TTC28: variants seen among roughly 807,000 people sequenced by gnomAD.
The protein encoded by TTC28 is tetratricopeptide repeat protein 28.
In TTC28, 61 loss-of-function variants were observed where a neutral mutation model predicts 198.0. The ratio of observed to expected loss-of-function variants is 0.31; its 90% CI spans 0.25 to 0.38. TTC28 has a LOEUF of 0.38. Among genes scored for constraint, TTC28 ranks in the 10% least tolerant of loss-of-function variants. The probability of loss-of-function intolerance (pLI) is 1.00; values close to 1 mark genes in which losing one functional copy is unlikely to be tolerated. For missense variants in TTC28, 2,678 were observed against 3,164.0 expected, an observed-to-expected ratio of 0.85 and a Z score of 3.69; for synonymous variants, 1,171 against 1,297.8, an observed-to-expected ratio of 0.90 and a Z score of 2.10.
At chr22:28,517,378 T>A (rs866479593) in intron 2 of TTC28, among the ~76,000 whole-genome samples, 25 of 152,262 alleles carry the variant, frequency 1.6e-4, no homozygotes, top group South Asian at 1.5e-3. Context: ...CTGAAGAGTA[T>A]CTTCCAGTCA....
chr22:28,126,483 C>A (rs1348963781), intron 6 of TTC28, among the ~76,000 whole-genome samples: 6 of 152,306 alleles, frequency 3.9e-5, no homozygotes, highest in South Asian at 2.1e-4. Flanking sequence ...AAAGACTGTA[C>A]TTCCACAGAA....
At chr22:28,421,825 C>T (rs1309336054) in intron 2 of TTC28, among the ~76,000 whole-genome samples, 2 of 151,422 alleles carry the variant, frequency 1.3e-5, no homozygotes, top group Non-Finnish European at 2.9e-5. Context: ...GTCCCAGATA[C>T]TTGGGAGGCT....
intron 2 of TTC28, among the ~76,000 whole-genome samples, chr22:28,341,681 T>A (rs2045831467): frequency 6.6e-6 from 1 of 151,864 alleles, no homozygotes; most frequent in Non-Finnish European, 1.5e-5. Context: ...CCCCAGCTAC[T>A]CGGGAGGTTG....
chr22:28,094,004 C>T (rs1941895268), intron 12 of TTC28, 76 bp downstream of exon 12: 2 of 1,406,272 alleles, frequency 1.4e-6, no homozygotes, highest in African/African-American at 2.9e-5. Context: ...CTTCTGTTAG[C>T]TCAAATAGGA....
intron 2 of TTC28, among the ~76,000 whole-genome samples, chr22:28,332,737 A>AC (rs1461136621): frequency 3.3e-5 from 5 of 152,128 alleles, no homozygotes; most frequent in Non-Finnish European, 5.9e-5. Flanking sequence ...TAACAATTAA[A>AC]TGCAACCACT....
intron 1 of TTC28, among the ~76,000 whole-genome samples, chr22:28,647,971 T>C (rs1373407146): frequency 1.3e-5 from 2 of 151,714 alleles, no homozygotes; most frequent in Non-Finnish European, 2.9e-5. Flanking sequence ...ACGCCTGTAA[T>C]CCCAGCACTT....
chr22:27,993,528 A>C lies in TTC28; in HGVS notation c.5245-10T>G, dbSNP rs1937490425. 1 of 1,534,666 alleles carries C rather than the reference A, an allele frequency of 6.5e-7. No homozygotes were observed. The highest frequency in any genetic ancestry group is 2.5e-5 in the East Asian group (1 of 40,562). ...GCAGGGATTTCTCCACCTGAGGGGG[A>C]ATTGGGGGTGAGTCAGAGACCCAGG... On this transcript the variant is annotated splice_polypyrimidine_tract_variant and intron_variant, in intron 17 of 22. Transcript: ENST00000397906.
chr22:28,588,134 T>C (rs1489371014), intron 2 of TTC28, among the ~76,000 whole-genome samples: 1 of 124,512 alleles, frequency 8.0e-6, no homozygotes, highest in Middle Eastern at 4.5e-3. Context: ...AGAGGGAGAC[T>C]CCGTCTCAAA....
Position 28,101,200 on chromosome 22 carries a change from T to C in TTC28, c.3388A>G (p.Ser1130Gly), listed in dbSNP as rs1279225763. 12 of 1,551,378 alleles carry C rather than the reference T, an allele frequency of 7.7e-6. No individual in the cohort carries two copies. Among genetic ancestry groups the C allele is most frequent in the African/African-American group, 1.4e-5 (1 of 73,050 alleles). ...RHGLGLSLWA[S>G]GNLEEAQHQL... ...TGTTGGGCCTCCTCCAAGTTTCCAC[T>C]AGCCCAAAGGGAGAGGCCAAGGCCA... Residue 1130 changes from serine (S) to glycine (G), a missense_variant, in exon 9 of 23, where the codon AGT becomes GGT. Ser to Gly is a moderately conservative substitution (Grantham distance 56). This residue lies in a region of TTC28 where 727 missense variants were observed against 861.9 expected (regional missense o/e 0.84). Transcript: ENST00000397906.
Position 28,168,455 on chromosome 22 carries a change from T to G in TTC28, c.934-4856A>C, listed in dbSNP as rs1601419193. Among the ~76,000 whole-genome samples, 3 of 152,304 alleles carry G rather than the reference T, an allele frequency of 2.0e-5. No homozygotes were observed. The Middle Eastern group carries it at 0.01, about 518-fold the overall frequency. On this transcript the variant is annotated intron_variant, in intron 5 of 22. Coordinates refer to ENST00000397906, the MANE Select transcript of TTC28 (RefSeq NM_001145418.2). ...GGCTACAGTAACCAAAACAGCATGGTACTGGTACCAAAACAGAGATATAGA... is the reference window on the plus strand; with the variant it reads ...GGCTACAGTAACCAAAACAGCATGGGACTGGTACCAAAACAGAGATATAGA...
At chr22:28,391,709 T>C (rs1307330147) in intron 2 of TTC28, among the ~76,000 whole-genome samples, 1 of 152,228 alleles carries the variant, frequency 6.6e-6, no homozygotes, top group Non-Finnish European at 1.5e-5. Context: ...CTTTAAGCAC[T>C]TCTCTGTATT....
chr22:28,403,110 A>G (rs1355461413), intron 2 of TTC28, among the ~76,000 whole-genome samples: 2 of 152,178 alleles, frequency 1.3e-5, no homozygotes, highest in African/African-American at 2.4e-5. Context: ...TTAATCTGTT[A>G]ATTAAGCAAA....
chr22:28,140,733 A>C (rs1319469723), intron 6 of TTC28, among the ~76,000 whole-genome samples: 6 of 152,252 alleles, frequency 3.9e-5, no homozygotes, highest in Non-Finnish European at 8.8e-5. Context: ...GTGTAACTAA[A>C]TATAATTAAT....
At position 27,989,971 on chromosome 22, in the gene TTC28, T is replaced by C. The variant is rs776896831; in HGVS notation, c.5614A>G (p.Lys1872Glu). ...GGAGCTGATGCCAAGTCCTGCTCCTTCTCGCCAGCCTGGAGCTGAACCAGC... is the reference window on the plus strand; with the variant it reads ...GGAGCTGATGCCAAGTCCTGCTCCTCCTCGCCAGCCTGGAGCTGAACCAGC... ...QVLVQLQAGE[K>E]EQDLASAPIQ... Residue 1872 changes from lysine (K) to glutamate (E), a missense_variant, in exon 21 of 23, where the codon AAG becomes GAG. Physicochemically the swap from Lys to Glu is moderately conservative, Grantham distance 56. Transcript: ENST00000397906. 8 of 1,550,970 alleles carry C rather than the reference T, an allele frequency of 5.2e-6. No individual in the cohort carries two copies. The highest frequency in any genetic ancestry group is 7.0e-6 in the Non-Finnish European group (8 of 1,146,846).
At chr22:28,286,798 GCA>G (rs150553831) in intron 5 of TTC28, among the ~76,000 whole-genome samples, 1 of 150,978 alleles carries the variant, frequency 6.6e-6, no homozygotes, top group Non-Finnish European at 1.5e-5. Context: ...TAGTGAGGAT[GCA>G]CACACACACA....
chr22:28,593,973 T>C (rs2146099598), intron 2 of TTC28, among the ~76,000 whole-genome samples: 1 of 152,248 alleles, frequency 6.6e-6, no homozygotes, highest in Non-Finnish European at 1.5e-5. Context: ...TCAAGGCTTC[T>C]TGAGTTTGGA....
chr22:28,460,564 G>A (rs1408613120), intron 2 of TTC28, among the ~76,000 whole-genome samples: 2 of 151,736 alleles, frequency 1.3e-5, no homozygotes, highest in South Asian at 2.1e-4. Context: ...ATGTATGTAT[G>A]TATGTATGTA....
intron 5 of TTC28, among the ~76,000 whole-genome samples, chr22:28,185,513 A>T (rs1445569207): frequency 2.0e-5 from 3 of 152,180 alleles, no homozygotes; most frequent in East Asian, 1.9e-4. Context: ...GAAAAAAAGG[A>T]TCTAATAGTA....
chr22:28,256,912 T>G (rs1313365798), intron 5 of TTC28, among the ~76,000 whole-genome samples: 1 of 152,080 alleles, frequency 6.6e-6, no homozygotes. Context: ...TAGTGGCACA[T>G]GCCTACAGTC....
Sources: allele counts gnomAD v4.1 joint callset (sites outside exome capture counted in the v4.1 genomes callset), GRCh38; gene constraint gnomAD v4.1.1; regional missense constraint gnomAD v4.1.1; transcripts MANE v1.5; gene names NCBI Gene and HGNC (gene_info 2026-07-23, HGNC 2026-07-21).